The following NCKAP5 variants were observed in gnomAD, a reference collection of about 807,000 sequenced individuals.
The protein encoded by NCKAP5 is nck-associated protein 5.
In NCKAP5, 92 loss-of-function variants were observed where a neutral mutation model predicts 167.0. The ratio of observed to expected loss-of-function variants is 0.55; its 90% CI spans 0.47 to 0.66. The LOEUF is 0.66. Among genes scored for constraint, NCKAP5 ranks in the 30% least tolerant of loss-of-function variants. The pLI is 0.00. For missense variants in NCKAP5, 2,378 were observed against 2,315.0 expected, an observed-to-expected ratio of 1.03 and a Z score of -0.56; for synonymous variants, 891 against 877.4, an observed-to-expected ratio of 1.02 and a Z score of -0.27.
intron 3 of NCKAP5, among the ~76,000 whole-genome samples, chr2:133,308,331 G>T (rs1032252470): frequency 2.0e-5 from 3 of 151,646 alleles, no homozygotes; most frequent in Non-Finnish European, 2.9e-5. Flanking sequence ...CTTGTGATCC[G>T]CCCGCCTCGG....
At chr2:133,485,579 AT>A (rs1317424301) in intron 3 of NCKAP5, among the ~76,000 whole-genome samples, 2 of 152,206 alleles carry the variant, frequency 1.3e-5, no homozygotes, top group Non-Finnish European at 2.9e-5. Context: ...CAAGGTCAAA[AT>A]CAGAAACTGA....
chr2:132,890,409 A>T (rs1363353838), intron 8 of NCKAP5, among the ~76,000 whole-genome samples: 1 of 152,194 alleles, frequency 6.6e-6, no homozygotes, highest in Non-Finnish European at 1.5e-5. Flanking sequence ...ATAAAGAAAA[A>T]AAATAGTCTA....
the NCKAP5 span, among the ~76,000 whole-genome samples, chr2:133,661,695 G>A: frequency 1.3e-5 from 2 of 152,060 alleles, no homozygotes; most frequent in Admixed American, 6.6e-5. Context: ...TCACCTGTAT[G>A]GCCTTGGCAG....
At chr2:133,141,544 C>T (rs141474153) in intron 5 of NCKAP5, among the ~76,000 whole-genome samples, 12 of 152,214 alleles carry the variant, frequency 7.9e-5, no homozygotes, top group African/African-American at 2.6e-4. Flanking sequence ...TAATTATGCA[C>T]TCTTTTAAAG....
the NCKAP5 span, among the ~76,000 whole-genome samples, chr2:133,627,279 G>A: frequency 6.6e-6 from 1 of 152,042 alleles, no homozygotes; most frequent in African/African-American, 2.4e-5. Context: ...CAGACAATAT[G>A]AATAGCTAAT....
At chr2:133,602,533 T>C in the NCKAP5 span, among the ~76,000 whole-genome samples, 1 of 152,064 alleles carries the variant, frequency 6.6e-6, no homozygotes, top group Non-Finnish European at 1.5e-5. Flanking sequence ...CTATCTTCAG[T>C]GGTGGTGTGG....
rs566555959 is a variant in NCKAP5, at chr2:133,140,313, A to G, written c.208-10202T>C. Among the ~76,000 whole-genome samples, 42 of 152,240 alleles carry G rather than the reference A, an allele frequency of 2.8e-4. 1 individual carries two copies. In the South Asian group the frequency reaches 8.7e-3, roughly 32 times the overall value. ...TAGCAACTTTTGCTTCCAGTTCTGT[A>G]CCCTGAACCACATGTGCACTTTCAG... On this transcript the variant is annotated intron_variant, in intron 5 of 19. Transcript: ENST00000409261.
chr2:133,666,797 A>G, the NCKAP5 span, among the ~76,000 whole-genome samples: 13 of 151,996 alleles, frequency 8.6e-5, no homozygotes, highest in Non-Finnish European at 1.9e-4. Context: ...GCACTCCACC[A>G]TCAAATTATG....
intron 6 of NCKAP5, among the ~76,000 whole-genome samples, chr2:133,079,590 G>T (rs886295137): frequency 6.6e-6 from 1 of 151,996 alleles, no homozygotes; most frequent in Admixed American, 6.6e-5. Context: ...ATCTCTTAGG[G>T]TTATTTTTGC....
the NCKAP5 span, among the ~76,000 whole-genome samples, chr2:133,606,497 C>A: frequency 2.0e-5 from 3 of 152,230 alleles, no homozygotes; most frequent in African/African-American, 7.2e-5. Context: ...AAATACCCAA[C>A]GCCTCCTAAA....
intron 11 of NCKAP5, among the ~76,000 whole-genome samples, chr2:132,802,949 C>A (rs1318381832): frequency 2.0e-5 from 3 of 152,196 alleles, no homozygotes; most frequent in Non-Finnish European, 2.9e-5. Context: ...TCACAAGTTT[C>A]ATTCTATTCC....
At chr2:133,349,210 A>G (rs1274378983) in intron 3 of NCKAP5, among the ~76,000 whole-genome samples, 1 of 152,170 alleles carries the variant, frequency 6.6e-6, no homozygotes, top group Non-Finnish European at 1.5e-5. Flanking sequence ...GGGAATCACT[A>G]TCTTGTTTCC....
intron 19 of NCKAP5, among the ~76,000 whole-genome samples, chr2:132,673,971 C>T (rs540310404): frequency 6.6e-6 from 1 of 152,154 alleles, no homozygotes; most frequent in African/African-American, 2.4e-5. Context: ...GTTATTAATA[C>T]CCTGTATGAT....
chr2:133,224,788 G>T (rs190913814), intron 4 of NCKAP5, among the ~76,000 whole-genome samples: 1 of 151,986 alleles, frequency 6.6e-6, no homozygotes, highest in Non-Finnish European at 1.5e-5. Flanking sequence ...GCAAAAATTC[G>T]CCTAATTTTA....
chr2:133,553,393 G>A (rs938935812), intron 2 of NCKAP5, among the ~76,000 whole-genome samples: 1 of 152,182 alleles, frequency 6.6e-6, no homozygotes, highest in Non-Finnish European at 1.5e-5. Flanking sequence ...GGGCAGGCAG[G>A]CAGGGAAGGA....
At chr2:133,307,102 T>C (rs371044699) in intron 3 of NCKAP5, among the ~76,000 whole-genome samples, 1 of 152,346 alleles carries the variant, frequency 6.6e-6, no homozygotes, top group African/African-American at 2.4e-5. Context: ...TATTAAACTA[T>C]TGTTACTAAC....
In NCKAP5 at chr2:132,889,935, A is replaced by T. The variant is rs189193132; in HGVS notation, c.580-11019T>A. 1.6e-3 allele frequency among the ~76,000 whole-genome samples: 247 copies of T among 152,322 alleles called. 3 individuals carry two copies. The highest frequency in any genetic ancestry group is 5.6e-3 in the African/African-American group (234 of 41,574). On this transcript the variant is annotated intron_variant, in intron 8 of 19. Coordinates refer to ENST00000409261, the MANE Select transcript of NCKAP5 (RefSeq NM_207363.3). ...GTGTGGAGGAAAGAAGGTGGAAAGA[A>T]GATGTCCTCTGAAGGCAAAAAGAGA... is the stretch of plus-strand genomic sequence containing the variant.
At chr2:133,052,537 G>T (rs900174661) in intron 6 of NCKAP5, among the ~76,000 whole-genome samples, 4 of 152,006 alleles carry the variant, frequency 2.6e-5, no homozygotes, top group Admixed American at 2.6e-4. Flanking sequence ...GGCCAAAATG[G>T]CGAAAACTCA....
At chr2:132,831,460 G>T (rs185130017) in intron 11 of NCKAP5, among the ~76,000 whole-genome samples, 5 of 152,210 alleles carry the variant, frequency 3.3e-5, no homozygotes, top group Admixed American at 3.3e-4. Context: ...CAACAATGTT[G>T]TTTGATTGCT....
Sources: allele counts gnomAD v4.1 joint callset (sites outside exome capture counted in the v4.1 genomes callset), GRCh38; gene constraint gnomAD v4.1.1; transcripts MANE v1.5; gene names NCBI Gene and HGNC (gene_info 2026-07-23, HGNC 2026-07-21).